AP3M2: variants seen among roughly 807,000 people sequenced by gnomAD.
AP3M2 encodes the protein AP-3 complex subunit mu-2.
Under a neutral mutation model 41.6 loss-of-function variants are expected in AP3M2, and 28 were observed. The ratio of observed to expected loss-of-function variants is 0.67; its 90% confidence interval spans 0.50 to 0.92. The LOEUF (loss-of-function observed/expected upper bound fraction) is 0.92, where lower values mean the gene tolerates loss of function less well. Among genes scored for constraint, AP3M2 ranks in the 40% least tolerant of loss-of-function variants. The pLI, the probability that AP3M2 is intolerant of heterozygous loss-of-function variation, is 0.00. For missense variants in AP3M2, 427 were observed against 521.4 expected (o/e 0.82, Z 1.76); for synonymous variants, 193 against 186.4 (o/e 1.04, Z -0.29).
chr8:42,163,083 A>T (rs986474911), intron 4 of AP3M2, among the ~76,000 whole-genome samples: 2 of 151,596 alleles, frequency 1.3e-5, no homozygotes, highest in Admixed American at 1.3e-4. Context: ...TGCCTTTTCT[A>T]TGTGTTCTGA....
intron 2 of AP3M2, chr8:42,155,635 G>A (rs1477968820): frequency 6.1e-6 from 1 of 164,672 alleles, no homozygotes; most frequent in African/African-American, 2.4e-5. Flanking sequence ...GACACCATTT[G>A]CAGCACAGGA....
chr8:42,169,126 A>T lies in AP3M2; in HGVS notation c.*65A>T. ...CATTTCTTACTTGTCTAAAAGTAAAAAAAAATATCAGCCTGTCTCCTAGGT... is the reference window on the plus strand; with the variant it reads ...CATTTCTTACTTGTCTAAAAGTAAATAAAAATATCAGCCTGTCTCCTAGGT... On this transcript the variant is annotated 3_prime_UTR_variant, in exon 9 of 9. Coordinates refer to ENST00000396926, the MANE Select transcript of AP3M2 (RefSeq NM_006803.4). 7.2e-7 allele frequency: 1 copy of T among 1,379,888 alleles called. No homozygotes were observed. Among genetic ancestry groups the T allele is most frequent in the Admixed American group, 2.0e-5 (1 of 49,798 alleles). The allele number at this position is 1,379,888 out of a possible 1,614,324, so 85.5% of individuals were successfully genotyped here.
intron 3 of AP3M2, among the ~76,000 whole-genome samples, chr8:42,161,235 C>T (rs1448079683): frequency 7.9e-5 from 12 of 151,754 alleles, no homozygotes; most frequent in East Asian, 1.9e-4. Context: ...CCCAGGAGGT[C>T]GAGGCTGCAG....
At chr8:42,168,470 C>A (rs929393903) in intron 8 of AP3M2, among the ~76,000 whole-genome samples, 1 of 152,130 alleles carries the variant, frequency 6.6e-6, no homozygotes, top group African/African-American at 2.4e-5. Flanking sequence ...GATTGGAATT[C>A]ATTTGATGTA....
intron 5 of AP3M2, 91 bp from the exon 6 acceptor site, chr8:42,165,336 T>G: frequency 6.6e-7 from 1 of 1,522,112 alleles, no homozygotes; most frequent in Non-Finnish European, 9.0e-7. Flanking sequence ...TGTGGTGTGT[T>G]TTAATTAAAA....
In AP3M2 at chr8:42,165,227, G is replaced by A. The variant is rs1050698301; in HGVS notation, c.669+71G>A. ...ATGCTGCTGGAAAGACAGAGTAGTG[G>A]GAATGGAATAGAACAAGAAGAAATA... On this transcript the variant is annotated intron_variant, in intron 5 of 8. Coordinates refer to ENST00000396926, the MANE Select transcript of AP3M2 (RefSeq NM_006803.4). The A allele has an allele frequency of 6.6e-6, 10 of 1,523,108 alleles. No individual in the cohort carries two copies. The highest frequency in any genetic ancestry group is 4.7e-5 in the South Asian group (4 of 85,490). 94.3% of individuals were successfully genotyped at this position (1,523,108 alleles called of 1,614,324 possible). A position where few individuals can be genotyped will look rare whatever the true frequency, so the allele number is the denominator to read the frequency against.
intron 3 of AP3M2, among the ~76,000 whole-genome samples, chr8:42,158,411 G>A (rs1274576336): frequency 6.6e-6 from 1 of 151,960 alleles, no homozygotes; most frequent in Non-Finnish European, 1.5e-5. Flanking sequence ...ATCACACCCA[G>A]CTAATTTTTG....
At chr8:42,157,849 C>A in intron 2 of AP3M2, 92 bp from the exon 3 acceptor site, 1 of 1,281,244 alleles carries the variant, frequency 7.8e-7, no homozygotes, top group Non-Finnish European at 1.1e-6. Context: ...CATGGACAGG[C>A]CAGATCCTTA....
At chr8:42,154,409 G>A (rs757990434) in intron 1 of AP3M2, 6 of 350,958 alleles carry the variant, frequency 1.7e-5, no homozygotes, top group Non-Finnish European at 2.6e-5. Context: ...CAATTTGGGC[G>A]ATAGTAAAGA....
At chr8:42,154,226 C>CTGTTGCCAAACA (rs1431626752) in intron 1 of AP3M2, 1 of 173,458 alleles carries the variant, frequency 5.8e-6, no homozygotes, top group Admixed American at 5.7e-5. Flanking sequence ...TATGTGTGAG[C>CTGTTGCCAAACA]TGTTGCCAAA....
chr8:42,165,591 C>A, intron 6 of AP3M2, 31 bp downstream of exon 6: 1 of 1,612,646 alleles, frequency 6.2e-7, no homozygotes, highest in East Asian at 2.2e-5. Flanking sequence ...AGAATGGAAT[C>A]CGTGTATGTA....
Position 42,162,268 on chromosome 8 carries a change from T to C in AP3M2, c.446-13T>C, listed in dbSNP as rs1194475898. The C allele has an allele frequency of 1.2e-6, 2 of 1,604,092 alleles. No homozygotes were observed. Among genetic ancestry groups the C allele is most frequent in the South Asian group, 1.1e-5 (1 of 89,226 alleles). On this transcript the variant is annotated splice_polypyrimidine_tract_variant and intron_variant, in intron 3 of 8. Coordinates refer to ENST00000396926, the MANE Select transcript of AP3M2 (RefSeq NM_006803.4). ...AAAATGGTGTTAAAATACAGTAATA[T>C]TAATTGCCTCAGGAAGCACGAATGT...
At chr8:42,153,980 A>G (rs966275459) in intron 1 of AP3M2, 6 of 152,198 alleles carry the variant, frequency 3.9e-5, no homozygotes, top group Non-Finnish European at 8.8e-5. Flanking sequence ...AAATAATAAA[A>G]CAGGTTAAAT....
chr8:42,165,186 T>C, intron 5 of AP3M2, 30 bp downstream of exon 5: 2 of 1,596,488 alleles, frequency 1.3e-6, no homozygotes, highest in Non-Finnish European at 1.7e-6. Flanking sequence ...ATTAAGTTCT[T>C]GGGATGAGAA....
chr8:42,160,453 T>A (rs778646605), intron 3 of AP3M2, among the ~76,000 whole-genome samples: 5 of 152,098 alleles, frequency 3.3e-5, no homozygotes, highest in Admixed American at 2.6e-4. Context: ...AGCTTCAATA[T>A]GGAAAAAATT....
intron 2 of AP3M2, chr8:42,155,776 C>T (rs1341327300): frequency 3.9e-6 from 1 of 253,786 alleles, no homozygotes; most frequent in Non-Finnish European, 8.0e-6. Flanking sequence ...ACTTCTGTGT[C>T]ATATGAGGTC....
At chr8:42,163,382 A>G (rs1804560107) in intron 4 of AP3M2, among the ~76,000 whole-genome samples, 1 of 152,244 alleles carries the variant, frequency 6.6e-6, no homozygotes, top group African/African-American at 2.4e-5. Context: ...AACTTGCATC[A>G]TAGCACAGTG....
In AP3M2 at chr8:42,167,713, T is replaced by C. The variant is rs1026864971; in HGVS notation, c.1059T>C (p.Ser353=). The change falls in exon 8 of 9, where the codon AGT becomes AGC. Residue 353 remains serine (S), a synonymous_variant. Coordinates refer to ENST00000396926, the MANE Select transcript of AP3M2 (RefSeq NM_006803.4). The part of the protein sequence containing the change: ...VGKINPQKLP[S]LKGTMSLQAG... Reference sequence around the variant, plus strand: ...AAATAAATCCACAAAAGCTACCAAGTTTGAAGGGGACCATGAGTCTTCAGG... The same window carrying C: ...AAATAAATCCACAAAAGCTACCAAGCTTGAAGGGGACCATGAGTCTTCAGG... 1.2e-6 allele frequency: 2 copies of C among 1,613,716 alleles called. No homozygotes were observed. The highest frequency in any genetic ancestry group is 1.7e-5 in the Admixed American group (1 of 59,842).
At chr8:42,155,285 C>G (rs1030736200) in intron 2 of AP3M2, among the ~76,000 whole-genome samples, 2 of 152,122 alleles carry the variant, frequency 1.3e-5, no homozygotes, top group African/African-American at 4.8e-5. Flanking sequence ...TTGATCCTAA[C>G]CATTGTTATC....
Sources: allele counts gnomAD v4.1 joint callset (sites outside exome capture counted in the v4.1 genomes callset), GRCh38; gene constraint gnomAD v4.1.1; transcripts MANE v1.5; gene names NCBI Gene and HGNC (gene_info 2026-07-23, HGNC 2026-07-21).